The following ABI3BP variants were observed in gnomAD, a reference collection of about 807,000 sequenced individuals.
ABI3BP encodes the protein ABI family member 3 binding protein, also known as target of Nesh-SH3.
Under a neutral mutation model 268.6 loss-of-function variants are expected in ABI3BP, and 216 were observed. That is an observed-to-expected ratio of 0.80 (90% CI 0.72 to 0.90). The LOEUF is 0.90. Among genes scored for constraint, ABI3BP ranks in the 40% least tolerant of loss-of-function variants. ABI3BP has a pLI of 0.00. For missense variants in ABI3BP, 2,090 were observed against 2,182.4 expected (o/e 0.96, Z 0.84); for synonymous variants, 730 against 730.0 (o/e 1.00, Z 0.00).
At chr3:100,897,614 T>G (rs931843882) in intron 4 of ABI3BP, among the ~76,000 whole-genome samples, 1 of 152,174 alleles carries the variant, frequency 6.6e-6, no homozygotes, top group Non-Finnish European at 1.5e-5. Flanking sequence ...GCAAAACTAA[T>G]CTATGGTGAT....
At chr3:100,815,832 C>T in intron 44 of ABI3BP, 80 bp downstream of exon 44, 1 of 965,206 alleles carries the variant, frequency 1.0e-6, no homozygotes, top group Non-Finnish European at 1.5e-6. Context: ...GAAGCAGAAG[C>T]AACTCTGGTC....
At chr3:100,845,652 T>C (rs1032718789) in intron 20 of ABI3BP, among the ~76,000 whole-genome samples, 2 of 142,940 alleles carry the variant, frequency 1.4e-5, no homozygotes, top group African/African-American at 5.1e-5. Context: ...AAAATTTAGA[T>C]AATGATGACA....
intron 14 of ABI3BP, among the ~76,000 whole-genome samples, chr3:100,852,940 T>C (rs533585215): frequency 1.4e-3 from 206 of 152,286 alleles, no homozygotes; most frequent in African/African-American, 4.8e-3. Context: ...AGAGAACACA[T>C]GAATTATTAC....
chr3:100,871,506 G>T (rs2099109155), intron 9 of ABI3BP, among the ~76,000 whole-genome samples: 1 of 152,126 alleles, frequency 6.6e-6, no homozygotes, highest in South Asian at 2.1e-4. Flanking sequence ...CCTGGTGGGA[G>T]GTGATTGAAT....
chr3:100,975,835 C>A (rs999140356), intron 1 of ABI3BP, among the ~76,000 whole-genome samples: 1 of 151,972 alleles, frequency 6.6e-6, no homozygotes, highest in Non-Finnish European at 1.5e-5. Flanking sequence ...TATAAAAAAA[C>A]CCTCAGAATC....
At chr3:100,890,298 G>T (rs1179214701) in intron 4 of ABI3BP, among the ~76,000 whole-genome samples, 1 of 152,090 alleles carries the variant, frequency 6.6e-6, no homozygotes, top group African/African-American at 2.4e-5. Context: ...GTCTTTGTCA[G>T]TGTTGCTTCT....
At position 100,779,604 on chromosome 3, in the gene ABI3BP, ACTCTCT is replaced by A. The variant is rs138554435; in HGVS notation, c.4240+522_4240+527del. ...TGCCTGGTATACTAGTAAGAGAAAG[ACTCTCT>A]CTCTCTCTCTCTCTCTCTCTCTATG... On this transcript the variant is annotated intron_variant, in intron 58 of 67. Transcript: ENST00000471714. 4.2e-3 allele frequency among the ~76,000 whole-genome samples: 571 copies of A among 135,576 alleles called. 2 individuals carry two copies. Among genetic ancestry groups the A allele is most frequent in the South Asian group, 0.014 (59 of 4,348 alleles). 88.9% of individuals were successfully genotyped at this position (135,576 alleles called of 152,430 possible).
At chr3:100,831,769 C>G (rs927388302) in intron 31 of ABI3BP, among the ~76,000 whole-genome samples, 1 of 152,162 alleles carries the variant, frequency 6.6e-6, no homozygotes, top group African/African-American at 2.4e-5. Flanking sequence ...TTTTCCTCCT[C>G]TAAATATTTG....
intron 1 of ABI3BP, among the ~76,000 whole-genome samples, chr3:100,977,066 T>C (rs1368962308): frequency 2.6e-5 from 4 of 152,242 alleles, no homozygotes; most frequent in African/African-American, 4.8e-5. Flanking sequence ...CTCAGTTTTT[T>C]TGTGGTCCTG....
chr3:100,916,104 C>T (rs768729316), intron 2 of ABI3BP, among the ~76,000 whole-genome samples: 1 of 152,134 alleles, frequency 6.6e-6, no homozygotes, highest in Non-Finnish European at 1.5e-5. Flanking sequence ...CTGGTTTAAG[C>T]CTTGGCAAGG....
Position 100,847,587 on chromosome 3 carries a change from A to G in ABI3BP, c.1648+15T>C, listed in dbSNP as rs752860632. ...AAATGAAGCAACACATCTACTAAGGACATATCATTATTACCCGGTGTTGTC... is the reference window on the plus strand; with the variant it reads ...AAATGAAGCAACACATCTACTAAGGGCATATCATTATTACCCGGTGTTGTC... On this transcript the variant is annotated intron_variant, in intron 19 of 67. Transcript: ENST00000471714. 4 of 1,595,556 alleles carry G rather than the reference A, an allele frequency of 2.5e-6. No individual in the cohort carries two copies. The South Asian group carries it at 3.3e-5, about 13-fold the overall frequency.
chr3:100,817,751 G>T (rs1288667896), intron 41 of ABI3BP, among the ~76,000 whole-genome samples: 1 of 152,178 alleles, frequency 6.6e-6, no homozygotes, highest in Non-Finnish European at 1.5e-5. Context: ...GTGGAAGATT[G>T]TTGGACAAGC....
intron 4 of ABI3BP, among the ~76,000 whole-genome samples, chr3:100,894,494 G>A (rs1384449436): frequency 2.0e-5 from 3 of 152,040 alleles, no homozygotes; most frequent in African/African-American, 4.8e-5. Context: ...AAACTTACAC[G>A]GCAAGACAGA....
chr3:100,861,069 T>C (rs2153147669), intron 14 of ABI3BP, among the ~76,000 whole-genome samples: 1 of 152,312 alleles, frequency 6.6e-6, no homozygotes, highest in South Asian at 2.1e-4. Flanking sequence ...AAGGGGTTTT[T>C]GCACCCACTT....
intron 20 of ABI3BP, chr3:100,844,546 C>G (rs1327872897): frequency 2.7e-6 from 2 of 748,796 alleles, no homozygotes; most frequent in African/African-American, 3.8e-5. Context: ...CCTCAAAAAG[C>G]TTTGGGTGGT....
chr3:100,851,477 C>A (rs1350710561), intron 15 of ABI3BP, among the ~76,000 whole-genome samples: 1 of 152,134 alleles, frequency 6.6e-6, no homozygotes, highest in African/African-American at 2.4e-5. Flanking sequence ...GTTGTGACAA[C>A]CAAAACTGTC....
At position 100,889,710 on chromosome 3, in the gene ABI3BP, T is replaced by C. The variant is rs1582093286; in HGVS notation, c.462-3387A>G. Among the ~76,000 whole-genome samples the C allele has an allele frequency of 2.0e-5, 3 of 152,284 alleles. No homozygotes were observed. The South Asian group carries it at 6.2e-4, about 32-fold the overall frequency. ...ATCCTAATTAAGAGGTAAGAAACTG[T>C]TGAAGGTAGCATTTGGTTCAACTGG... is the stretch of plus-strand genomic sequence containing the variant. On this transcript the variant is annotated intron_variant, in intron 4 of 67. Transcript: ENST00000471714.
chr3:100,792,602 T>A (rs989795), intron 55 of ABI3BP, 89 bp downstream of exon 55: 556,992 of 1,339,802 alleles, frequency 0.42, 119,258 homozygotes, highest in African/African-American at 0.65. Flanking sequence ...ATCCACTGTG[T>A]TGAGAAATGA....
chr3:100,819,075 A>G (rs904766361), intron 40 of ABI3BP, among the ~76,000 whole-genome samples: 5 of 152,164 alleles, frequency 3.3e-5, no homozygotes, highest in Non-Finnish European at 5.9e-5. Context: ...AGGGACAAAC[A>G]TGCAGAGTAG....
Sources: gnomAD v4.1 joint callset for allele counts (sites outside exome capture counted in the v4.1 genomes callset) on GRCh38, gnomAD v4.1.1 for gene constraint, MANE v1.5 for transcripts, NCBI Gene and HGNC (gene_info 2026-07-23, HGNC 2026-07-21) for gene names.